Variants in MSRB3 observed in about 807,000 individuals in gnomAD.
MSRB3 encodes the protein methionine-R-sulfoxide reductase B3.
Under a neutral mutation model 21.0 loss-of-function variants are expected in MSRB3, and 13 were observed. The observed-to-expected ratio is 0.62, with a 90% CI of 0.40 to 0.98. The LOEUF (loss-of-function observed/expected upper bound fraction) is 0.98, where lower values mean the gene tolerates loss of function less well. MSRB3 is among the 50% of genes least tolerant of loss of function. The pLI is 0.00. For synonymous variants in MSRB3, 87 were observed against 88.6 expected (o/e 0.98, Z 0.10); for missense variants, 199 against 230.3 (o/e 0.86, Z 0.88).
chr12:65,388,863 C>T (rs571298706), intron 5 of MSRB3, among the ~76,000 whole-genome samples: 1 of 151,546 alleles, frequency 6.6e-6, no homozygotes, highest in South Asian at 2.1e-4. Flanking sequence ...AGAGTGAGAC[C>T]CTGTCAAAAG....
At chr12:65,348,879 C>A (rs1226998682) in intron 4 of MSRB3, among the ~76,000 whole-genome samples, 1 of 152,020 alleles carries the variant, frequency 6.6e-6, no homozygotes, top group African/African-American at 2.4e-5. Flanking sequence ...TGTTCAGTTT[C>A]CATGTGGTTG....
intron 1 of MSRB3, chr12:65,279,138 G>C: frequency 1.6e-6 from 2 of 1,261,964 alleles, no homozygotes. Flanking sequence ...ACCTTATCCT[G>C]TCCCGGGAGC....
At chr12:65,455,788 G>A (rs1359604388) in intron 6 of MSRB3, among the ~76,000 whole-genome samples, 1 of 152,152 alleles carries the variant, frequency 6.6e-6, no homozygotes, top group East Asian at 1.9e-4. Flanking sequence ...CAAGGCTGGA[G>A]TGTGGTGGCA....
chr12:65,293,145 G>A lies in MSRB3; in HGVS notation c.-52+14280G>A, dbSNP rs139446304. Among the ~76,000 whole-genome samples the A allele has an allele frequency of 2.5e-4, 38 of 152,094 alleles. No homozygotes were observed. The East Asian group carries it at 7.2e-3, about 29-fold the overall frequency. On this transcript the variant is annotated intron_variant, in intron 1 of 6. Coordinates refer to ENST00000308259, the MANE Select transcript of MSRB3 (RefSeq NM_001031679.3). Reference sequence around the variant, plus strand: ...AGCTTAATAAATGGTACTGCTATTTGCCCAGTTACTTGAGCCAGAATTGAA... The same window carrying A: ...AGCTTAATAAATGGTACTGCTATTTACCCAGTTACTTGAGCCAGAATTGAA...
At chr12:65,322,083 G>C (rs929399360) in intron 2 of MSRB3, among the ~76,000 whole-genome samples, 1 of 151,992 alleles carries the variant, frequency 6.6e-6, no homozygotes, top group Non-Finnish European at 1.5e-5. Flanking sequence ...CTAAGGTTTA[G>C]GTAACAGATC....
chr12:65,407,022 T>A (rs1202606839), intron 5 of MSRB3, among the ~76,000 whole-genome samples: 5 of 152,208 alleles, frequency 3.3e-5, no homozygotes, highest in Non-Finnish European at 7.3e-5. Context: ...TATAAAATTA[T>A]CTGGTCTAAG....
intron 1 of MSRB3, among the ~76,000 whole-genome samples, 176 bp from the exon 2 acceptor site, chr12:65,308,353 A>G (rs1372016253): frequency 1.3e-5 from 2 of 152,214 alleles, no homozygotes; most frequent in South Asian, 2.1e-4. Flanking sequence ...TAAGGTACAA[A>G]TAAAGCTAGA....
At chr12:65,369,093 A>C (rs1878179747) in intron 5 of MSRB3, 67 bp downstream of exon 5, 1 of 1,164,374 alleles carries the variant, frequency 8.6e-7, no homozygotes, top group Non-Finnish European at 1.3e-6. Flanking sequence ...GGAGTAAATC[A>C]TCAGATCAAG....
chr12:65,415,073 A>G (rs1880902308), intron 5 of MSRB3, among the ~76,000 whole-genome samples: 1 of 152,110 alleles, frequency 6.6e-6, no homozygotes, highest in East Asian at 1.9e-4. Flanking sequence ...AGAGATCAGG[A>G]TCAGAGTCAG....
intron 5 of MSRB3, among the ~76,000 whole-genome samples, chr12:65,444,300 C>A (rs1882515882): frequency 6.6e-6 from 1 of 152,066 alleles, no homozygotes. Context: ...GGCATTACAG[C>A]CATTGACTCT....
chr12:65,452,339 C>T (rs1176400073), intron 5 of MSRB3, among the ~76,000 whole-genome samples: 1 of 152,022 alleles, frequency 6.6e-6, no homozygotes. Flanking sequence ...ACCATTAAAC[C>T]TGTTTTCACT....
At chr12:65,430,278 T>C (rs1881813431) in intron 5 of MSRB3, among the ~76,000 whole-genome samples, 1 of 152,158 alleles carries the variant, frequency 6.6e-6, no homozygotes, top group Admixed American at 6.6e-5. Context: ...GACTATAGAA[T>C]CAAACCAAAA....
At position 65,367,586 on chromosome 12, in the gene MSRB3, GAGAT is replaced by G. The variant is rs375040767; in HGVS notation, c.264-1406_264-1403del. On this transcript the variant is annotated intron_variant, in intron 4 of 6. Coordinates refer to ENST00000308259, the MANE Select transcript of MSRB3 (RefSeq NM_001031679.3). ...AAGGCATGGCTATAGTTGAGTGGGGGAGATAGATAAGGAAACCAGCAAGATAACA... is the reference window on the plus strand; with the variant it reads ...AAGGCATGGCTATAGTTGAGTGGGGGAGATAAGGAAACCAGCAAGATAACA... Among the ~76,000 whole-genome samples the G allele has an allele frequency of 2.4e-3, 360 of 152,366 alleles. 2 individuals carry two copies. The highest frequency in any genetic ancestry group is 0.02 in the South Asian group (98 of 4,828).
intron 2 of MSRB3, among the ~76,000 whole-genome samples, chr12:65,320,180 T>C (rs1874570523): frequency 6.6e-6 from 1 of 152,162 alleles, no homozygotes; most frequent in South Asian, 2.1e-4. Flanking sequence ...AATGTGATTA[T>C]TATTATGACA....
chr12:65,308,946 G>T, intron 2 of MSRB3: 1 of 445,928 alleles, frequency 2.2e-6, no homozygotes, highest in South Asian at 2.7e-5. Context: ...AAATCATAAC[G>T]TTCATAAGAG....
chr12:65,401,919 A>G (rs1009463606), intron 5 of MSRB3, among the ~76,000 whole-genome samples: 1 of 152,180 alleles, frequency 6.6e-6, no homozygotes, highest in Non-Finnish European at 1.5e-5. Flanking sequence ...TCTTTTCTTT[A>G]AGAATGTTGA....
chr12:65,341,372 A>C (rs1876128903), intron 4 of MSRB3, among the ~76,000 whole-genome samples: 1 of 129,478 alleles, frequency 7.7e-6, no homozygotes, highest in East Asian at 1.9e-4. Flanking sequence ...GAACTCATGG[A>C]GAGAGAGAGA....
intron 5 of MSRB3, among the ~76,000 whole-genome samples, chr12:65,446,602 A>G (rs907216826): frequency 2.0e-5 from 3 of 152,226 alleles, no homozygotes; most frequent in Non-Finnish European, 2.9e-5. Flanking sequence ...CTCCCAAGAG[A>G]TATCTTTAAA....
chr12:65,382,758 T>C (rs1879005792), intron 5 of MSRB3, among the ~76,000 whole-genome samples: 1 of 151,974 alleles, frequency 6.6e-6, no homozygotes, highest in African/African-American at 2.4e-5. Flanking sequence ...CTATATGGTT[T>C]TATTTTTTCA....
Sources: allele counts gnomAD v4.1 joint callset (sites outside exome capture counted in the v4.1 genomes callset), GRCh38; gene constraint gnomAD v4.1.1; transcripts MANE v1.5; gene names NCBI Gene and HGNC (gene_info 2026-07-23, HGNC 2026-07-21).